Variants in MDM4 observed in about 807,000 individuals in gnomAD.
MDM4 encodes the protein protein Mdm4.
MDM4 carries 2 observed loss-of-function variants against 60.2 expected under a neutral mutation model. The ratio of observed to expected loss-of-function variants is 0.03; its 90% CI spans 0.01 to 0.10. The LOEUF (loss-of-function observed/expected upper bound fraction) is 0.10. MDM4 is among the 10% of genes least tolerant of loss of function. The pLI, the probability that MDM4 is intolerant of heterozygous loss-of-function variation, is 1.00. For synonymous variants in MDM4, 202 were observed against 198.1 expected (o/e 1.02, Z -0.17); for missense variants, 447 against 577.5 (o/e 0.77, Z 2.32).
At chr1:204,539,070 C>G (rs904902969) in intron 7 of MDM4, among the ~76,000 whole-genome samples, 1 of 151,966 alleles carries the variant, frequency 6.6e-6, no homozygotes, top group Non-Finnish European at 1.5e-5. Context: ...GGTTTCCCCA[C>G]GTTGGTTAGG....
chr1:204,539,692 A>C (rs1441092556), intron 7 of MDM4, among the ~76,000 whole-genome samples: 1 of 151,710 alleles, frequency 6.6e-6, no homozygotes, highest in African/African-American at 2.4e-5. Context: ...GTGCACCACT[A>C]CGCCCAGCTA....
rs1663563412 is a variant in MDM4, at chr1:204,556,752, A to G, written c.*7070A>G. 9.3e-6 allele frequency: 2 copies of G among 214,140 alleles called. No homozygotes were observed. Among genetic ancestry groups the G allele is most frequent in the East Asian group, 1.4e-4 (2 of 14,354 alleles). The allele number at this position is 214,140 out of a possible 1,614,324, so 13.3% of individuals were successfully genotyped here. ...TATTTTTTTCTCTGTAGTTTGCCTC[A>G]TTTTTTCACTTTCTTTTCAATGAGA... On this transcript the variant is annotated 3_prime_UTR_variant, in exon 11 of 11. Transcript: ENST00000367182.
At chr1:204,525,165 T>C (rs902107391) in intron 1 of MDM4, among the ~76,000 whole-genome samples, 2 of 152,262 alleles carry the variant, frequency 1.3e-5, no homozygotes, top group Middle Eastern at 3.4e-3. Context: ...CTGATAACCA[T>C]TGGGGAGATA....
chr1:204,547,481 G>A (rs1572523790), intron 10 of MDM4, among the ~76,000 whole-genome samples: 5 of 152,276 alleles, frequency 3.3e-5, no homozygotes, highest in Admixed American at 2.6e-4. Flanking sequence ...CTTGCCACAG[G>A]TAACACACTA....
chr1:204,551,256 G>T lies in MDM4; in HGVS notation c.*1574G>T. ...AGACAGCATTTTGCCATGTTGCCCA[G>T]GCTGGTCCCAAACTTCTAGCCTCAA... On this transcript the variant is annotated 3_prime_UTR_variant, in exon 11 of 11. Coordinates refer to ENST00000367182, the MANE Select transcript of MDM4 (RefSeq NM_002393.5). 4.5e-6 allele frequency: 1 copy of T among 223,850 alleles called. No homozygotes were observed. Among genetic ancestry groups the T allele is most frequent in the Non-Finnish European group, 8.9e-6 (1 of 112,298 alleles). The allele number at this position is 223,850 out of a possible 1,614,324, so 13.9% of individuals were successfully genotyped here.
At chr1:204,526,311 G>C in intron 2 of MDM4, 49 bp from the exon 3 acceptor site, 1 of 1,504,736 alleles carries the variant, frequency 6.6e-7, no homozygotes, top group East Asian at 2.3e-5. Flanking sequence ...CATAGTTTCA[G>C]AAACCTACTT....
In MDM4 at chr1:204,532,191, C is replaced by T. The variant is rs1404062519; in HGVS notation, c.288C>T (p.Ser96=). 1 of 1,587,892 alleles carries T rather than the reference C, an allele frequency of 6.3e-7. No homozygotes were observed. The highest frequency in any genetic ancestry group is 1.1e-5 in the South Asian group (1 of 90,230). The change falls in exon 5 of 11, where the codon AGC becomes AGT. Residue 96 remains serine, a splice_region_variant and synonymous_variant. Transcript: ENST00000367182. ...ATTTTTTATCTTCTCTCTTTAACAG[C>T]CCTCTCTATGATATGCTAAGAAAGA... ...GRQSFSVKDP[S]PLYDMLRKNL... is the part of the protein sequence containing the mutation.
rs191406044 is a variant in MDM4, at chr1:204,522,522, C to T, written c.-35-2962C>T. ...AGGCGATTCTCCTGTCTCAGCCTCC[C>T]GAGTAGTTGGGACTACAGGCGTGTG... is the stretch of plus-strand genomic sequence containing the variant. On this transcript the variant is annotated intron_variant, in intron 1 of 10. Transcript: ENST00000367182. Among the ~76,000 whole-genome samples the T allele has an allele frequency of 2.2e-4, 34 of 151,590 alleles. No homozygotes were observed. The East Asian group carries it at 5.5e-3, about 25-fold the overall frequency.
rs1222211188 is a variant in MDM4, at chr1:204,549,409, T to C, written c.1200T>C (p.Ser400=). The change falls in exon 11 of 11, where the codon AGT becomes AGC. Residue 400 remains serine (S), a synonymous_variant. Transcript: ENST00000367182. ...TGGAATTCTTGGATTTGGCTCACAG[T>C]TCTGAAAGCCAAGAGACCATCTCAA... ...NSVEFLDLAH[S]SESQETISSM... 1.9e-6 allele frequency: 3 copies of C among 1,613,476 alleles called. No individual in the cohort carries two copies. Among genetic ancestry groups the C allele is most frequent in the Non-Finnish European group, 2.5e-6 (3 of 1,179,934 alleles).
chr1:204,549,404 C>G lies in MDM4; in HGVS notation c.1195C>G (p.His399Asp). The G allele has an allele frequency of 6.2e-7, 1 of 1,613,718 alleles. No homozygotes were observed. Among genetic ancestry groups the G allele is most frequent in the Non-Finnish European group, 8.5e-7 (1 of 1,179,958 alleles). ...CTCAGTGGAATTCTTGGATTTGGCT[C>G]ACAGTTCTGAAAGCCAAGAGACCAT... is the stretch of plus-strand genomic sequence containing the variant. ...CNSVEFLDLA[H>D]SSESQETISS... is the part of the protein sequence containing the mutation. The change falls in exon 11 of 11, where the codon CAC becomes GAC. Residue 399 changes from histidine to aspartate, a missense_variant. By Grantham distance (81) the His-to-Asp change is moderately conservative (BLOSUM62 -1). Around this residue, in one of 8 missense-constraint regions of MDM4, gnomAD observed 117 missense variants for 114.5 expected, o/e 1.02. Coordinates refer to ENST00000367182, the MANE Select transcript of MDM4 (RefSeq NM_002393.5).
chr1:204,528,700 C>T, intron 3 of MDM4: 1 of 611,626 alleles, frequency 1.6e-6, no homozygotes, highest in Non-Finnish European at 2.9e-6. Context: ...GACTCTCAAC[C>T]CTCTTTTGGA....
rs2102455241 is a variant in MDM4, at chr1:204,549,253, C to A, written c.1044C>A (p.Ala348=). The change falls in exon 11 of 11, where the codon GCC becomes GCA. Residue 348 remains alanine, a synonymous_variant. Coordinates refer to ENST00000367182, the MANE Select transcript of MDM4 (RefSeq NM_002393.5). ...CTCTCTCCACGTCTGATATCACTGC[C>A]ATACCTGAAAAGGAAAATGAAGGAA... ...THSLSTSDIT[A]IPEKENEGND... is the part of the protein sequence containing the mutation. 2 of 1,614,150 alleles carry A rather than the reference C, an allele frequency of 1.2e-6. No homozygotes were observed. Among genetic ancestry groups the A allele is most frequent in the Non-Finnish European group, 1.7e-6 (2 of 1,180,018 alleles).
In MDM4 at chr1:204,539,717, A is replaced by C. The variant is rs148214264; in HGVS notation, c.511+1409A>C. On this transcript the variant is annotated intron_variant, in intron 7 of 10. Coordinates refer to ENST00000367182, the MANE Select transcript of MDM4 (RefSeq NM_002393.5). The stretch of plus-strand genomic sequence containing the variant: ...ACGCCCAGCTAATTTTTGTATTCTT[A>C]GTAGAGACGGGGTTTTACCATGTTG... Among the ~76,000 whole-genome samples, 916 of 151,500 alleles carry C rather than the reference A, an allele frequency of 6.0e-3. 11 individuals are homozygous for C. Among genetic ancestry groups the C allele is most frequent in the African/African-American group, 0.021 (871 of 41,390 alleles).
intron 3 of MDM4, chr1:204,529,475 G>C: frequency 6.5e-7 from 1 of 1,528,986 alleles, no homozygotes; most frequent in Non-Finnish European, 8.9e-7. Flanking sequence ...GAGTTCCAGA[G>C]GGGAACATCC....
intron 3 of MDM4, chr1:204,528,744 C>T: frequency 4.1e-6 from 3 of 733,806 alleles, no homozygotes; most frequent in African/African-American, 1.7e-5. Context: ...GAATGTTCTT[C>T]TAGAGGGACA....
At position 204,551,838 on chromosome 1, in the gene MDM4, C is replaced by CTTA. The variant is rs1663232494; in HGVS notation, c.*2156_*2157insTTA. 4.6e-6 allele frequency: 1 copy of CTTA among 216,634 alleles called. No homozygotes were observed. The highest frequency in any genetic ancestry group is 6.8e-5 in the East Asian group (1 of 14,660). The allele number at this position is 216,634 out of a possible 1,614,324, so 13.4% of individuals were successfully genotyped here. Reference sequence around the variant, plus strand: ...AACAAGTGTTCCTGGAATCTCTATGCAAGTTTTATACAGAACATACTTTTG... The same window carrying CTTA: ...AACAAGTGTTCCTGGAATCTCTATGCTTAAAGTTTTATACAGAACATACTTTTG... On this transcript the variant is annotated 3_prime_UTR_variant, in exon 11 of 11. Coordinates refer to ENST00000367182, the MANE Select transcript of MDM4 (RefSeq NM_002393.5).
chr1:204,544,778 TCA>T, intron 9 of MDM4, 94 bp downstream of exon 9: 1 of 1,125,430 alleles, frequency 8.9e-7, no homozygotes, highest in Non-Finnish European at 1.2e-6. Flanking sequence ...AACAGATTGC[TCA>T]CATAATCCCC....
In MDM4 at chr1:204,532,616, TC is replaced by T. The variant is rs1020502236; in HGVS notation, c.343+375del. On this transcript the variant is annotated intron_variant, in intron 5 of 10. Coordinates refer to ENST00000367182, the MANE Select transcript of MDM4 (RefSeq NM_002393.5). The stretch of plus-strand genomic sequence containing the variant: ...TTTCATAGCCAGTTTATGTATCATT[TC>T]CCCCAGTTATCTCAAAAATACCTTG... 1.1e-5 allele frequency: 7 copies of T among 652,914 alleles called. No homozygotes were observed. In the African/African-American group the frequency reaches 1.3e-4, roughly 12 times the overall value. The allele number at this position is 652,914 out of a possible 1,614,324, so 40.4% of individuals were successfully genotyped here. A position where few individuals can be genotyped will look rare whatever the true frequency, so the allele number is the denominator to read the frequency against.
At chr1:204,538,358 AC>A (rs1558326119) in intron 7 of MDM4, 50 bp downstream of exon 7, 1 of 958,070 alleles carries the variant, frequency 1.0e-6, no homozygotes, top group Non-Finnish European at 1.7e-6. Context: ...TCCTCTTCCA[AC>A]CTTTTTATTT....
Sources: allele counts gnomAD v4.1 joint callset (sites outside exome capture counted in the v4.1 genomes callset), GRCh38; gene constraint gnomAD v4.1.1; regional missense constraint gnomAD v4.1.1; transcripts MANE v1.5; gene names NCBI Gene and HGNC (gene_info 2026-07-23, HGNC 2026-07-21).